The following KIR3DL2 variants were observed in gnomAD, a reference collection of about 807,000 sequenced individuals.
The protein encoded by KIR3DL2 is killer cell immunoglobulin like receptor, three Ig domains and long cytoplasmic tail 2, also known as killer cell immunoglobulin-like receptor 3DL2.
KIR3DL2 carries 42 observed loss-of-function variants against 41.6 expected under a neutral mutation model. The observed-to-expected ratio is 1.01, with a 90% CI of 0.79 to 1.31. KIR3DL2 has a LOEUF of 1.31. KIR3DL2 is among the 50% of genes most tolerant of loss of function. The probability of loss-of-function intolerance (pLI) is 0.00; values close to 1 mark genes in which losing one functional copy is unlikely to be tolerated. For missense variants in KIR3DL2, 728 were observed against 576.8 expected (o/e 1.26, Z -2.68); for synonymous variants, 230 against 221.3 (o/e 1.04, Z -0.35).
chr19:54,851,206 A>T lies in KIR3DL2; in HGVS notation c.35-14A>T, dbSNP rs2064199321. ...GCCTGCAGTTGGATCGTCTATCATG[A>T]TCTTTCTTTCCAGGGTTCTTCTTGC... On this transcript the variant is annotated splice_polypyrimidine_tract_variant and intron_variant, in intron 1 of 8. Coordinates refer to ENST00000326321, the MANE Select transcript of KIR3DL2 (RefSeq NM_006737.4). The T allele has an allele frequency of 6.2e-7, 1 of 1,610,380 alleles. No individual in the cohort carries two copies. The highest frequency in any genetic ancestry group is 1.4e-5 in the African/African-American group (1 of 74,054).
At chr19:54,865,160 T>G (rs1224230176) in intron 6 of KIR3DL2, among the ~76,000 whole-genome samples, 1 of 152,036 alleles carries the variant, frequency 6.6e-6, no homozygotes, top group African/African-American at 2.4e-5. Context: ...TGGATTACAT[T>G]TATTGATTTG....
chr19:54,852,340 T>C lies in KIR3DL2; in HGVS notation c.355+58T>C, dbSNP rs1328694906. On this transcript the variant is annotated intron_variant, in intron 3 of 8. Transcript: ENST00000326321. ...CCCACCTCCTGAATCCCAGAGCTTCTGGTGGGGGTGTCCATCAGGGTCCCA... is the reference window on the plus strand; with the variant it reads ...CCCACCTCCTGAATCCCAGAGCTTCCGGTGGGGGTGTCCATCAGGGTCCCA... 22 of 1,581,166 alleles carry C rather than the reference T, an allele frequency of 1.4e-5. No homozygotes were observed. In the East Asian group the frequency reaches 4.5e-4, roughly 32 times the overall value.
At chr19:54,854,890 A>G (rs1432108386) in intron 4 of KIR3DL2, among the ~76,000 whole-genome samples, 3 of 151,756 alleles carry the variant, frequency 2.0e-5, no homozygotes, top group East Asian at 1.9e-4. Context: ...TCCAAATAGA[A>G]CTAGAGAGAC....
Position 54,866,812 on chromosome 19 carries a change from C to T in KIR3DL2, c.*81C>T, listed in dbSNP as rs2065566996. On this transcript the variant is annotated 3_prime_UTR_variant, in exon 9 of 9. Coordinates refer to ENST00000326321, the MANE Select transcript of KIR3DL2 (RefSeq NM_006737.4). ...GGAATCTGAAGGCATCAGTCTGCAT[C>T]TTAGGGGATCGCTCTTCCTCACACC... is the stretch of plus-strand genomic sequence containing the variant. 3 of 1,442,184 alleles carry T rather than the reference C, an allele frequency of 2.1e-6. No individual in the cohort carries two copies. The South Asian group carries it at 3.5e-5, about 17-fold the overall frequency. The allele number at this position is 1,442,184 out of a possible 1,614,324, so 89.3% of individuals were successfully genotyped here. A position where few individuals can be genotyped will look rare whatever the true frequency, so the allele number is the denominator to read the frequency against.
Position 54,865,703 on chromosome 19 carries a change from A to G in KIR3DL2, c.1001-102A>G, listed in dbSNP as rs763165494. Reference sequence around the variant, plus strand: ...CTCCCGCCATCAGGCTGCTTGTCCTAAGGAGATGTTCCATGTGGTTACCTG... The same window carrying G: ...CTCCCGCCATCAGGCTGCTTGTCCTGAGGAGATGTTCCATGTGGTTACCTG... On this transcript the variant is annotated intron_variant, in intron 6 of 8. Coordinates refer to ENST00000326321, the MANE Select transcript of KIR3DL2 (RefSeq NM_006737.4). 3.0e-5 allele frequency: 31 copies of G among 1,033,776 alleles called. 1 individual carries two copies. Among genetic ancestry groups the G allele is most frequent in the Non-Finnish European group, 4.2e-5 (28 of 669,406 alleles). The allele number at this position is 1,033,776 out of a possible 1,614,324, so 64.0% of individuals were successfully genotyped here.
chr19:54,862,802 C>CTTTTTTTTTTT (rs1210198153), intron 6 of KIR3DL2, among the ~76,000 whole-genome samples: 2 of 79,760 alleles, frequency 2.5e-5, no homozygotes, highest in Admixed American at 1.4e-4. Context: ...TGGGTTACTT[C>CTTTTTTTTTTT]TTTTTTTTTT....
At chr19:54,857,547 A>AC (rs550771259) in intron 5 of KIR3DL2, among the ~76,000 whole-genome samples, 3 of 138,278 alleles carry the variant, frequency 2.2e-5, no homozygotes, top group Middle Eastern at 7.1e-3. Flanking sequence ...ACTTTACTTT[A>AC]TTTATTTATT....
In KIR3DL2 at chr19:54,858,320, A is replaced by T. The variant is rs1345443225; in HGVS notation, c.950-759A>T. ...TCCATTTTCATTTGATTTTTGTGTAAGGTGACAGGTATAGATGCAGTTTTA... is the reference window on the plus strand; with the variant it reads ...TCCATTTTCATTTGATTTTTGTGTATGGTGACAGGTATAGATGCAGTTTTA... On this transcript the variant is annotated intron_variant, in intron 5 of 8. Transcript: ENST00000326321. Among the ~76,000 whole-genome samples, 29 of 151,010 alleles carry T rather than the reference A, an allele frequency of 1.9e-4. 1 individual carries two copies. The highest frequency in any genetic ancestry group is 5.2e-4 in the African/African-American group (21 of 40,738).
intron 6 of KIR3DL2, among the ~76,000 whole-genome samples, chr19:54,865,519 AC>A (rs1168627047): frequency 6.6e-6 from 1 of 152,036 alleles, no homozygotes; most frequent in African/African-American, 2.4e-5. Flanking sequence ...TGACTCAAAC[AC>A]CTTCCCATAG....
chr19:54,863,153 A>G (rs1428285732), intron 6 of KIR3DL2, among the ~76,000 whole-genome samples: 3 of 151,126 alleles, frequency 2.0e-5, no homozygotes, highest in East Asian at 2.0e-4. Flanking sequence ...ATGATTTCCA[A>G]TTTCATCCAT....
rs199804865 is a variant in KIR3DL2, at chr19:54,866,401, G to A, written c.1137G>A (p.Gly379=). The change falls in exon 8 of 9, where the codon GGG becomes GGA. Residue 379 remains glycine, a synonymous_variant. Transcript: ENST00000326321. ...NAAVMDQEPA[G]DRTVNRQDSD... ...CTGTAATGGACCAAGAGCCTGCGGG[G>A]GACAGAACAGTGAATAGGCAGGTAG... 3 of 1,613,930 alleles carry A rather than the reference G, an allele frequency of 1.9e-6. No individual in the cohort carries two copies. Among genetic ancestry groups the A allele is most frequent in the East Asian group, 4.5e-5 (2 of 44,876 alleles).
chr19:54,855,838 G>A lies in KIR3DL2; in HGVS notation c.875G>A (p.Arg292Lys), dbSNP rs751345334. 6.2e-7 allele frequency: 1 copy of A among 1,613,528 alleles called. No homozygotes were observed. Among genetic ancestry groups the A allele is most frequent in the Middle Eastern group, 1.6e-4 (1 of 6,062 alleles). Residue 292 changes from arginine to lysine, a missense_variant, in exon 5 of 9, where the codon AGA (arginine) becomes AAA (lysine). By Grantham distance (26) the Arg-to-Lys change is conservative. Coordinates refer to ENST00000326321, the MANE Select transcript of KIR3DL2 (RefSeq NM_006737.4). ...CCTGCCACCCACGGAGGGACCTACAGATGCTTCGGCTCTTTCCGTGCCCTG... is the reference window on the plus strand; with the variant it reads ...CCTGCCACCCACGGAGGGACCTACAAATGCTTCGGCTCTTTCCGTGCCCTG... ...LGPATHGGTY[R>K]CFGSFRALPC...
intron 6 of KIR3DL2, among the ~76,000 whole-genome samples, chr19:54,861,106 T>G (rs1352519813): frequency 2.0e-4 from 30 of 147,968 alleles, no homozygotes; most frequent in Non-Finnish European, 2.5e-4. Flanking sequence ...GAAAAGGCAA[T>G]TGCCGCCCCA....
intron 1 of KIR3DL2, among the ~76,000 whole-genome samples, chr19:54,850,888 G>T (rs1442084582): frequency 7.0e-6 from 1 of 143,128 alleles, no homozygotes; most frequent in Non-Finnish European, 1.5e-5. Context: ...GGAGATATGG[G>T]CCTAGAGGGG....
intron 4 of KIR3DL2, among the ~76,000 whole-genome samples, chr19:54,854,619 T>G (rs1365445457): frequency 1.6e-4 from 24 of 151,760 alleles, no homozygotes; most frequent in Non-Finnish European, 5.9e-5. Context: ...AGGCTCATAT[T>G]CCAAATAATC....
chr19:54,855,609 C>G lies in KIR3DL2; in HGVS notation c.656-10C>G, dbSNP rs1218008793. Reference sequence around the variant, plus strand: ...AACCTCCCTGAGGAAACTGCCTCTTCTCCTTCCAGGTCTATATGAGAAACC... The same window carrying G: ...AACCTCCCTGAGGAAACTGCCTCTTGTCCTTCCAGGTCTATATGAGAAACC... On this transcript the variant is annotated splice_polypyrimidine_tract_variant and intron_variant, in intron 4 of 8. Coordinates refer to ENST00000326321, the MANE Select transcript of KIR3DL2 (RefSeq NM_006737.4). 4 of 1,608,618 alleles carry G rather than the reference C, an allele frequency of 2.5e-6. No homozygotes were observed. Among genetic ancestry groups the G allele is most frequent in the Non-Finnish European group, 3.4e-6 (4 of 1,178,666 alleles).
At chr19:54,855,514 G>A in intron 4 of KIR3DL2, 105 bp from the exon 5 acceptor site, 1 of 1,466,698 alleles carries the variant, frequency 6.8e-7, no homozygotes, top group Admixed American at 2.2e-5. Context: ...GAGAGAGAGA[G>A]AGAGCATTAG....
intron 6 of KIR3DL2, among the ~76,000 whole-genome samples, chr19:54,860,525 A>G (rs982729030): frequency 6.6e-6 from 1 of 151,594 alleles, no homozygotes; most frequent in African/African-American, 2.4e-5. Flanking sequence ...CACAACCACC[A>G]CGCCCGGCTA....
At chr19:54,857,739 A>G (rs200387447) in intron 5 of KIR3DL2, among the ~76,000 whole-genome samples, 2 of 151,586 alleles carry the variant, frequency 1.3e-5, no homozygotes, top group East Asian at 3.9e-4. Flanking sequence ...TTTAGTAGAG[A>G]GGGAGTTTCT....
Sources: allele counts gnomAD v4.1 joint callset (sites outside exome capture counted in the v4.1 genomes callset), GRCh38; gene constraint gnomAD v4.1.1; transcripts MANE v1.5; gene names NCBI Gene and HGNC (gene_info 2026-07-23, HGNC 2026-07-21).